NRL: variants seen among roughly 807,000 people sequenced by gnomAD.
The protein encoded by NRL is neural retina-specific leucine zipper protein.
A neutral mutation model predicts 12.5 loss-of-function variants in NRL; 16 were observed. That is an observed-to-expected ratio of 1.28 (90% CI 0.87 to 1.95). The LOEUF is 1.95. Ranked by LOEUF, NRL falls within the 30% of genes most tolerant of loss-of-function variation. The pLI, the probability that NRL is intolerant of heterozygous loss-of-function variation, is 0.00. For synonymous variants in NRL, 142 were observed against 150.9 expected, an observed-to-expected ratio of 0.94 and a Z score of 0.43; for missense variants, 314 against 325.8, an observed-to-expected ratio of 0.96 and a Z score of 0.28.
rs539372532 is a variant in NRL at position 24,103,747 on chromosome 14, G to C, written c.-28+10975C>G. The C allele has an allele frequency of 2.5e-6, 4 of 1,614,078 alleles. No homozygotes were observed. In the Admixed American group the frequency reaches 5.0e-5, roughly 20 times the overall value. Reference sequence around the variant, plus strand: ...CGGTTAGAGGGGGAGGACAGTGCCCGAGAGACACCCATTGGGCTGGTGCCA... The same window carrying C: ...CGGTTAGAGGGGGAGGACAGTGCCCCAGAGACACCCATTGGGCTGGTGCCA... On this transcript the variant is annotated intron_variant, in intron 1 of 2. Transcript: ENST00000561028.
Position 24,091,119 on chromosome 14 carries a change from C to CTGTGTG in NRL, c.-27-8250_-27-8245dup, listed in dbSNP as rs55656236. On this transcript the variant is annotated intron_variant, in intron 1 of 2. Transcript: ENST00000561028. ...ATTCTAAGGGACGAACAGAAAAGGCCTGTGTGTGTGTGTGTGTGTGTGTGT... is the reference window on the plus strand; with the variant it reads ...ATTCTAAGGGACGAACAGAAAAGGCCTGTGTGTGTGTGTGTGTGTGTGTGTGTGTGT... Among the ~76,000 whole-genome samples, 708 of 138,716 alleles carry CTGTGTG rather than the reference C, an allele frequency of 5.1e-3. 2 individuals are homozygous for CTGTGTG. The highest frequency in any genetic ancestry group is 0.015 in the African/African-American group (551 of 36,210). 91.0% of individuals were successfully genotyped at this position (138,716 alleles called of 152,430 possible). A position where few individuals can be genotyped will look rare whatever the true frequency, so the allele number is the denominator to read the frequency against.
chr14:24,082,069 G>C (rs1404026028), intron 2 of NRL: 1 of 1,205,734 alleles, frequency 8.3e-7, no homozygotes, highest in Non-Finnish European at 1.0e-6. Flanking sequence ...AAGGTTGGGG[G>C]CTGGGAAGCA....
At chr14:24,108,987 C>A (rs1318785702) in intron 1 of NRL, among the ~76,000 whole-genome samples, 1 of 152,172 alleles carries the variant, frequency 6.6e-6, no homozygotes, top group East Asian at 1.9e-4. Context: ...AGCAGCCCAG[C>A]CTGCCCTCTA....
At chr14:24,087,437 A>C (rs2036493994) in intron 1 of NRL, among the ~76,000 whole-genome samples, 1 of 152,136 alleles carries the variant, frequency 6.6e-6, no homozygotes, top group African/African-American at 2.4e-5. Context: ...AGGCAGGCAA[A>C]GGGCCTGCAG....
Position 24,094,016 on chromosome 14 carries a change from G to C in NRL, c.-27-11141C>G, listed in dbSNP as rs2036727754. ...TTGTTTGCCACCTAGTGTCTCTCCC[G>C]GGAGCAAGAGTCCTCAAAGTTACAT... On this transcript the variant is annotated intron_variant, in intron 1 of 2. Transcript: ENST00000561028. This position sits in a 1 kb window ranked among gnomAD's most constrained non-coding sequence, Gnocchi z 4.1. The C allele has an allele frequency of 7.8e-6, 4 of 515,496 alleles. No individual in the cohort carries two copies. Among genetic ancestry groups the C allele is most frequent in the South Asian group, 5.6e-5 (2 of 35,638 alleles). 31.9% of individuals were successfully genotyped at this position (515,496 alleles called of 1,614,324 possible).
Position 24,094,482 on chromosome 14 carries a change from G to A in NRL, c.-27-11607C>T. ...CCCACCCGCACCTTCCGCTGCGCTC[G>A]CCCCCTCGGGGCTGCCAGTGGCGCT... On this transcript the variant is annotated intron_variant, in intron 1 of 2. Transcript: ENST00000561028. The surrounding 1 kb of genome is among the most constrained non-coding windows in gnomAD (Gnocchi z 4.1). The A allele has an allele frequency of 2.7e-6, 4 of 1,486,824 alleles. No individual in the cohort carries two copies. The highest frequency in any genetic ancestry group is 1.4e-5 in the African/African-American group (1 of 69,808). 92.1% of individuals were successfully genotyped at this position (1,486,824 alleles called of 1,614,324 possible). A position where few individuals can be genotyped will look rare whatever the true frequency, so the allele number is the denominator to read the frequency against.
Position 24,103,783 on chromosome 14 carries a change from C to T in NRL, c.-28+10939G>A, listed in dbSNP as rs754432218. On this transcript the variant is annotated intron_variant, in intron 1 of 2. Coordinates refer to ENST00000561028, the MANE Select transcript of NRL (RefSeq NM_001354768.3). ...ATTGGGCTGGTGCCAAAGGAAGGAG[C>T]CTTGGATCTCAGCGGCCTCAGAGCT... 6 of 1,613,978 alleles carry T rather than the reference C, an allele frequency of 3.7e-6. No homozygotes were observed. The highest frequency in any genetic ancestry group is 1.3e-5 in the African/African-American group (1 of 74,874).
chr14:24,100,587 A>G (rs1052349967), intron 1 of NRL: 1 of 1,086,942 alleles, frequency 9.2e-7, no homozygotes, highest in South Asian at 4.1e-5. Flanking sequence ...TTTTTTAATG[A>G]AAGGAAAAGG....
Position 24,094,454 on chromosome 14 carries a change from G to C in NRL, c.-27-11579C>G. The C allele has an allele frequency of 6.5e-7, 1 of 1,530,594 alleles. No individual in the cohort carries two copies. Among genetic ancestry groups the C allele is most frequent in the Non-Finnish European group, 8.7e-7 (1 of 1,145,380 alleles). 94.8% of individuals were successfully genotyped at this position (1,530,594 alleles called of 1,614,324 possible). ...CCTGCGGTGAGTGACCCCCGGCCCG[G>C]GGCCCACCCGCACCTTCCGCTGCGC... On this transcript the variant is annotated intron_variant, in intron 1 of 2. Coordinates refer to ENST00000561028, the MANE Select transcript of NRL (RefSeq NM_001354768.3). The surrounding 1 kb of genome is among the most constrained non-coding windows in gnomAD (Gnocchi z 4.1).
rs756927316 is a variant in NRL, at chr14:24,097,126, G to A, written c.-27-14251C>T. The A allele has an allele frequency of 3.7e-6, 6 of 1,613,802 alleles. No homozygotes were observed. In the East Asian group the frequency reaches 1.3e-4, roughly 36 times the overall value. ...AGGGCCTCATCCGAAAGCTCCCCAAGTACAATAACTGGTAAGCCTTGGGCT... is the reference window on the plus strand; with the variant it reads ...AGGGCCTCATCCGAAAGCTCCCCAAATACAATAACTGGTAAGCCTTGGGCT... On this transcript the variant is annotated intron_variant, in intron 1 of 2. Coordinates refer to ENST00000561028, the MANE Select transcript of NRL (RefSeq NM_001354768.3).
rs201550732 is a variant in NRL at position 24,103,293 on chromosome 14, C to T, written c.-28+11429G>A. 25 of 1,509,544 alleles carry T rather than the reference C, an allele frequency of 1.7e-5. No homozygotes were observed. The East Asian group carries it at 5.0e-4, about 30-fold the overall frequency. 93.5% of individuals were successfully genotyped at this position (1,509,544 alleles called of 1,614,324 possible). A position where few individuals can be genotyped will look rare whatever the true frequency, so the allele number is the denominator to read the frequency against. ...ACCATTCCTCCCTCTCCTGTGTGTG[C>T]ACACAGCACGTCCTCTCTCCCTTCC... On this transcript the variant is annotated intron_variant, in intron 1 of 2. Coordinates refer to ENST00000561028, the MANE Select transcript of NRL (RefSeq NM_001354768.3).
intron 1 of NRL, chr14:24,103,807 C>A: frequency 1.2e-6 from 2 of 1,614,164 alleles, no homozygotes; most frequent in South Asian, 1.1e-5. Flanking sequence ...GGCCTCAGAG[C>A]TATAGACACC....
rs2036232827 is a variant in NRL, at chr14:24,080,021, G to A, written c.*1215C>T. 1 of 152,202 alleles carries A rather than the reference G, an allele frequency of 6.6e-6. No homozygotes were observed. Among genetic ancestry groups the A allele is most frequent in the South Asian group, 2.1e-4 (1 of 4,826 alleles). The allele number at this position is 152,202 out of a possible 1,614,324, so 9.4% of individuals were successfully genotyped here. A position where few individuals can be genotyped will look rare whatever the true frequency, so the allele number is the denominator to read the frequency against. ...GATGTGCCACCCAGCTCCAGGTGGGGACTTCCCTTTTTCTTGCTCTCTCTC... is the reference window on the plus strand; with the variant it reads ...GATGTGCCACCCAGCTCCAGGTGGGAACTTCCCTTTTTCTTGCTCTCTCTC... On this transcript the variant is annotated 3_prime_UTR_variant, in exon 3 of 3. Transcript: ENST00000561028.
chr14:24,082,363 TC>T, intron 2 of NRL, 104 bp downstream of exon 2: 1 of 1,422,026 alleles, frequency 7.0e-7, no homozygotes, highest in Non-Finnish European at 9.9e-7. Context: ...CTGCCCTCTG[TC>T]CCCTGTCCCA....
At chr14:24,095,274 G>A in intron 1 of NRL, 1 of 453,114 alleles carries the variant, frequency 2.2e-6, no homozygotes, top group East Asian at 7.0e-5. Context: ...CTTCACAAGA[G>A]ATAACGTGAG....
Position 24,094,513 on chromosome 14 carries a change from G to C in NRL, c.-27-11638C>G. On this transcript the variant is annotated intron_variant, in intron 1 of 2. Transcript: ENST00000561028. This position sits in a 1 kb window ranked among gnomAD's most constrained non-coding sequence, Gnocchi z 4.1. ...TCGGGGCTGCCAGTGGCGCTCTCCT[G>C]CTCTCAGCCTCCGCCAGGTTTCCCA... is the stretch of plus-strand genomic sequence containing the variant. 6.9e-7 allele frequency: 1 copy of C among 1,456,916 alleles called. No homozygotes were observed. Among genetic ancestry groups the C allele is most frequent in the Non-Finnish European group, 9.0e-7 (1 of 1,110,526 alleles). The allele number at this position is 1,456,916 out of a possible 1,614,324, so 90.2% of individuals were successfully genotyped here.
chr14:24,108,416 C>T (rs1236058002), intron 1 of NRL, among the ~76,000 whole-genome samples: 2 of 152,126 alleles, frequency 1.3e-5, no homozygotes, highest in Non-Finnish European at 2.9e-5. Flanking sequence ...CAGCTCACTG[C>T]AGCCTTGAAT....
chr14:24,097,400 A>T (rs1219982024), intron 1 of NRL, among the ~76,000 whole-genome samples: 2 of 151,234 alleles, frequency 1.3e-5, no homozygotes, highest in Non-Finnish European at 3.0e-5. Context: ...AAAAAAAAAA[A>T]AAAAAATACA....
In NRL at chr14:24,081,353, G is replaced by C. The variant is rs913468654; in HGVS notation, c.597C>G (p.Asp199Glu). 6 of 1,458,898 alleles carry C rather than the reference G, an allele frequency of 4.1e-6. No homozygotes were observed. The highest frequency in any genetic ancestry group is 2.9e-5 in the African/African-American group (2 of 67,806). 90.4% of individuals were successfully genotyped at this position (1,458,898 alleles called of 1,614,324 possible). Residue 199 changes from aspartate to glutamate, a missense_variant, in exon 3 of 3, where the codon GAC becomes GAG. By Grantham distance (45) the Asp-to-Glu change is conservative (BLOSUM62 2). Transcript: ENST00000561028. This position sits in a 1 kb window ranked among gnomAD's most constrained non-coding sequence, Gnocchi z 4.4. ...AERARLAAQLDALRAEVARLA... is the reference protein window; with the variant it reads ...AERARLAAQLEALRAEVARLA... ...GGCGGGCCACCTCGGCCCGCAGCGCGTCCAGCTGGGCGGCCAGGCGGGCGC... is the reference window on the plus strand; with the variant it reads ...GGCGGGCCACCTCGGCCCGCAGCGCCTCCAGCTGGGCGGCCAGGCGGGCGC...
Sources: gnomAD v4.1 joint callset for allele counts (sites outside exome capture counted in the v4.1 genomes callset) on GRCh38, gnomAD v4.1.1 for gene constraint, Gnocchi (gnomAD v3.1) non-coding constraint, MANE v1.5 for transcripts, NCBI Gene and HGNC (gene_info 2026-07-23, HGNC 2026-07-21) for gene names.